Variants in IQCH observed in about 807,000 individuals in gnomAD.
IQCH encodes the protein IQ domain-containing protein H.
Under a neutral mutation model 117.0 loss-of-function variants are expected in IQCH, and 98 were observed. The observed-to-expected ratio is 0.84, with a 90% CI of 0.71 to 0.99. The LOEUF is 0.99. Among genes scored for constraint, IQCH ranks in the 50% least tolerant of loss-of-function variants. The probability of loss-of-function intolerance (pLI) is 0.00; values close to 1 mark genes in which losing one functional copy is unlikely to be tolerated. For missense variants in IQCH, 1,102 were observed against 1,243.8 expected, an observed-to-expected ratio of 0.89 and a Z score of 1.72; for synonymous variants, 412 against 448.2, an observed-to-expected ratio of 0.92 and a Z score of 1.02.
intron 3 of IQCH, among the ~76,000 whole-genome samples, chr15:67,272,422 T>A (rs4482225): frequency 0.99 from 151,418 of 152,338 alleles, 75,263 homozygotes; most frequent in Non-Finnish European, 1. Context: ...GAAATGTCCT[T>A]TAAATGTCAG....
intron 8 of IQCH, among the ~76,000 whole-genome samples, chr15:67,371,716 T>A (rs1596274693): frequency 6.6e-6 from 1 of 152,212 alleles, no homozygotes; most frequent in East Asian, 1.9e-4. Flanking sequence ...TTTTTCAGAC[T>A]GGTGGATAAG....
At chr15:67,379,821 C>G (rs893854177) in intron 10 of IQCH, among the ~76,000 whole-genome samples, 3 of 152,088 alleles carry the variant, frequency 2.0e-5, no homozygotes, top group Non-Finnish European at 2.9e-5. Context: ...AACTGTGAGT[C>G]AAATAAACCT....
In IQCH at chr15:67,395,840, T is replaced by G. The variant is rs1050362703; in HGVS notation, c.1905+277T>G. 1.3e-5 allele frequency among the ~76,000 whole-genome samples: 2 copies of G among 151,922 alleles called. No homozygotes were observed. The highest frequency in any genetic ancestry group is 1.3e-4 in the Admixed American group (2 of 15,236). On this transcript the variant is annotated intron_variant, in intron 13 of 20. Transcript: ENST00000335894. This position sits in a 1 kb window ranked among gnomAD's most constrained non-coding sequence, Gnocchi z 4.0. The stretch of plus-strand genomic sequence containing the variant: ...AGTTTCTGTGACTTCCAGCTAATTT[T>G]TGTATTTTTAGTAGAGATGGGGTTT...
chr15:67,331,903 G>A (rs936370694), intron 4 of IQCH, among the ~76,000 whole-genome samples: 5 of 152,174 alleles, frequency 3.3e-5, no homozygotes, highest in Admixed American at 3.3e-4. Flanking sequence ...GATCACTTCT[G>A]CTTACAACTT....
intron 16 of IQCH, among the ~76,000 whole-genome samples, chr15:67,455,377 C>T (rs189088132): frequency 1.3e-5 from 2 of 152,326 alleles, no homozygotes; most frequent in African/African-American, 4.8e-5. Flanking sequence ...GTCTCTTCCC[C>T]TTGTGAGCCG....
intron 4 of IQCH, among the ~76,000 whole-genome samples, chr15:67,299,922 T>C (rs1259206817): frequency 6.6e-6 from 1 of 152,186 alleles, no homozygotes; most frequent in Non-Finnish European, 1.5e-5. Flanking sequence ...GATTTTCAGC[T>C]GAATTTGTCT....
Position 67,411,184 on chromosome 15 carries a change from A to T in IQCH, c.2098-5747A>T, listed in dbSNP as rs1315247321. ...AATTTGGAACCCCTCCCTTCTCTCA[A>T]TCTGTACCACTAGCTGATTCAAATC... On this transcript the variant is annotated intron_variant, in intron 14 of 20. Transcript: ENST00000335894. This position sits in a 1 kb window ranked among gnomAD's most constrained non-coding sequence, Gnocchi z 4.4. Among the ~76,000 whole-genome samples, 1 of 151,924 alleles carries T rather than the reference A, an allele frequency of 6.6e-6. No homozygotes were observed. Among genetic ancestry groups the T allele is most frequent in the Non-Finnish European group, 1.5e-5 (1 of 67,976 alleles).
intron 12 of IQCH, among the ~76,000 whole-genome samples, chr15:67,389,614 G>A (rs1330456766): frequency 1.3e-5 from 2 of 151,432 alleles, no homozygotes; most frequent in Admixed American, 1.3e-4. Context: ...TACAAAAGAT[G>A]GCTTAAAACG....
chr15:67,340,452 A>AAAAAAAAAAAAAAAAAAAAAAAAC (rs1567110048), intron 5 of IQCH, among the ~76,000 whole-genome samples: 1 of 116,214 alleles, frequency 8.6e-6, no homozygotes, highest in African/African-American at 2.8e-5. Flanking sequence ...AAAAAAAAAA[A>AAAAAAAAAAAAAAAAAAAAAAAAC]AAAAAAAAAA....
chr15:67,492,513 A>G (rs1335456270), intron 19 of IQCH, among the ~76,000 whole-genome samples: 1 of 152,196 alleles, frequency 6.6e-6, no homozygotes, highest in Non-Finnish European at 1.5e-5. Flanking sequence ...AGCTCATACC[A>G]TCAGGAAAAG....
At position 67,364,864 on chromosome 15, in the gene IQCH, C is replaced by G. The variant is rs1179950244; in HGVS notation, c.753+4979C>G. Among the ~76,000 whole-genome samples the G allele has an allele frequency of 9.2e-5, 14 of 152,052 alleles. No homozygotes were observed. The highest frequency in any genetic ancestry group is 1.0e-4 in the Non-Finnish European group (7 of 68,004). ...AACATTTTTAGTGGCTTTATAATAT[C>G]TTTATTAAAGATATACCATAATTTT... On this transcript the variant is annotated intron_variant, in intron 8 of 20. Coordinates refer to ENST00000335894, the MANE Select transcript of IQCH (RefSeq NM_001031715.3). This position sits in a 1 kb window ranked among gnomAD's most constrained non-coding sequence, Gnocchi z 4.1.
chr15:67,277,512 G>C lies in IQCH; in HGVS notation c.270-1883G>C, dbSNP rs1489642909. Among the ~76,000 whole-genome samples the C allele has an allele frequency of 2.0e-5, 3 of 149,656 alleles. No homozygotes were observed. In the Admixed American group the frequency reaches 2.0e-4, roughly 10 times the overall value. On this transcript the variant is annotated intron_variant, in intron 3 of 20. Coordinates refer to ENST00000335894, the MANE Select transcript of IQCH (RefSeq NM_001031715.3). ...CTGTTTGCTATTAATGTTGGCATCT[G>C]AGAGTTTCCTCCAGTATCTTTTTTT...
At chr15:67,257,410 C>T (rs185487449) in intron 1 of IQCH, among the ~76,000 whole-genome samples, 64 of 152,304 alleles carry the variant, frequency 4.2e-4, no homozygotes, top group African/African-American at 1.4e-3. Context: ...TGGTCAGTTA[C>T]GTCTGTGTAT....
At position 67,408,657 on chromosome 15, in the gene IQCH, C is replaced by A. The variant is rs1447093361; in HGVS notation, c.2098-8274C>A. ...TCTCCTGATAGTCTCTCATTTCATTCCACAAACTTACTCCTCTCCCCCACT... is the reference window on the plus strand; with the variant it reads ...TCTCCTGATAGTCTCTCATTTCATTACACAAACTTACTCCTCTCCCCCACT... On this transcript the variant is annotated intron_variant, in intron 14 of 20. Coordinates refer to ENST00000335894, the MANE Select transcript of IQCH (RefSeq NM_001031715.3). The surrounding 1 kb of genome is among the most constrained non-coding windows in gnomAD (Gnocchi z 4.2). 6.6e-6 allele frequency among the ~76,000 whole-genome samples: 1 copy of A among 152,136 alleles called. No homozygotes were observed. The highest frequency in any genetic ancestry group is 1.5e-5 in the Non-Finnish European group (1 of 68,024).
At position 67,454,866 on chromosome 15, in the gene IQCH, T is replaced by G. The variant is rs2082623302; in HGVS notation, c.2506-10261T>G. On this transcript the variant is annotated intron_variant, in intron 16 of 20. Transcript: ENST00000335894. This position sits in a 1 kb window ranked among gnomAD's most constrained non-coding sequence, Gnocchi z 5.2. ...TTATGAATAATGTTGCAATGGACATTCATATAAAAGTGTTCGCATAAACAT... is the reference window on the plus strand; with the variant it reads ...TTATGAATAATGTTGCAATGGACATGCATATAAAAGTGTTCGCATAAACAT... Among the ~76,000 whole-genome samples the G allele has an allele frequency of 6.6e-6, 1 of 152,256 alleles. No homozygotes were observed. Among genetic ancestry groups the G allele is most frequent in the Non-Finnish European group, 1.5e-5 (1 of 68,046 alleles).
In IQCH at chr15:67,395,422, C is replaced by A; in HGVS notation, c.1764C>A (p.Ala588=). Reference sequence around the variant, plus strand: ...TCCACAGAGATGATTTAGCTGTGGCCGATATGTTAGACATACCCATCCTGG... The same window carrying A: ...TCCACAGAGATGATTTAGCTGTGGCAGATATGTTAGACATACCCATCCTGG... ...GLLHRDDLAV[A]DMLDIPILGS... is the part of the protein sequence containing the mutation. Residue 588 remains alanine (A), a synonymous_variant, in exon 13 of 21, where the codon GCC becomes GCA. Coordinates refer to ENST00000335894, the MANE Select transcript of IQCH (RefSeq NM_001031715.3). This position sits in a 1 kb window ranked among gnomAD's most constrained non-coding sequence, Gnocchi z 4.0. The A allele has an allele frequency of 6.2e-7, 1 of 1,613,968 alleles. No individual in the cohort carries two copies. Among genetic ancestry groups the A allele is most frequent in the Non-Finnish European group, 8.5e-7 (1 of 1,179,948 alleles).
rs1387180708 is a variant in IQCH at position 67,479,520 on chromosome 15, T to C, written c.2799+3702T>C. On this transcript the variant is annotated intron_variant, in intron 18 of 20. Coordinates refer to ENST00000335894, the MANE Select transcript of IQCH (RefSeq NM_001031715.3). The surrounding 1 kb of genome is among the most constrained non-coding windows in gnomAD (Gnocchi z 4.6). ...CCAATATATCCCCTCTAGGTACCTC[T>C]TATGTATTCTTCAGCTGGAGAAACA... 6.6e-6 allele frequency among the ~76,000 whole-genome samples: 1 copy of C among 152,198 alleles called. No homozygotes were observed. Among genetic ancestry groups the C allele is most frequent in the African/African-American group, 2.4e-5 (1 of 41,456 alleles).
chr15:67,303,495 C>T (rs758090705), intron 4 of IQCH, among the ~76,000 whole-genome samples: 22 of 152,098 alleles, frequency 1.4e-4, no homozygotes, highest in African/African-American at 2.7e-4. Context: ...ATATTCCCTA[C>T]GTGCCAAATT....
At chr15:67,318,909 G>C (rs887841074) in intron 4 of IQCH, among the ~76,000 whole-genome samples, 2 of 152,098 alleles carry the variant, frequency 1.3e-5, no homozygotes, top group Non-Finnish European at 2.9e-5. Flanking sequence ...TTAGGCTGAA[G>C]TAAGATGTTT....
Sources: gnomAD v4.1 joint callset for allele counts (sites outside exome capture counted in the v4.1 genomes callset) on GRCh38, gnomAD v4.1.1 for gene constraint, Gnocchi (gnomAD v3.1) non-coding constraint, MANE v1.5 for transcripts, NCBI Gene and HGNC (gene_info 2026-07-23, HGNC 2026-07-21) for gene names.